TENM2: variants seen among roughly 807,000 people sequenced by gnomAD.
TENM2 encodes teneurin transmembrane protein 2, also known as teneurin-2.
Under a neutral mutation model 245.2 loss-of-function variants are expected in TENM2, and 52 were observed. The ratio of observed to expected loss-of-function variants is 0.21; its 90% CI spans 0.17 to 0.27. The LOEUF (loss-of-function observed/expected upper bound fraction) is 0.27. Among genes scored for constraint, TENM2 ranks in the 10% least tolerant of loss-of-function variants. TENM2 has a pLI of 1.00. For missense variants in TENM2, 3,046 were observed against 3,666.8 expected (o/e 0.83, Z 4.37); for synonymous variants, 1,363 against 1,438.9 (o/e 0.95, Z 1.19).
intron 2 of TENM2, among the ~76,000 whole-genome samples, chr5:167,444,298 T>TACAC (rs140953889): frequency 0.068 from 10,203 of 150,436 alleles, 640 homozygotes; most frequent in African/African-American, 0.16. Context: ...CACATACACA[T>TACAC]ACACACACAC....
At chr5:167,077,183 A>G in the TENM2 span, among the ~76,000 whole-genome samples, 1 of 152,174 alleles carries the variant, frequency 6.6e-6, no homozygotes, top group African/African-American at 2.4e-5. Context: ...TATTTCACAA[A>G]ATATTTTGTT....
At chr5:167,350,765 T>TATATACATACGG (rs1758824758) in intron 1 of TENM2, among the ~76,000 whole-genome samples, 3 of 132,390 alleles carry the variant, frequency 2.3e-5, no homozygotes, top group Non-Finnish European at 3.2e-5. Context: ...TACATATGGA[T>TATATACATACGG]ATATATATAT....
rs558235106 is a variant in TENM2 at position 168,006,462 on chromosome 5, A to G, written c.1186+13280A>G. On this transcript the variant is annotated intron_variant, in intron 5 of 28. Coordinates refer to ENST00000518659, the Ensembl canonical transcript of TENM2. ...TAATGCCTTCGAATGCACATTGAGA[A>G]TAACACTGCCATGCTTTCACCATAG... is the stretch of plus-strand genomic sequence containing the variant. Among the ~76,000 whole-genome samples the G allele has an allele frequency of 2.3e-4, 35 of 152,220 alleles. 1 individual carries two copies. Among genetic ancestry groups the G allele is most frequent in the Non-Finnish European group, 1.5e-4 (10 of 68,046 alleles).
intron 3 of TENM2, among the ~76,000 whole-genome samples, chr5:167,885,920 T>C (rs1263277396): frequency 1.3e-5 from 2 of 152,164 alleles, no homozygotes; most frequent in Non-Finnish European, 2.9e-5. Flanking sequence ...TGACCTCAGG[T>C]GATCCACTCG....
chr5:167,683,796 C>T lies in TENM2; in HGVS notation c.503-192190C>T, dbSNP rs184758210. On this transcript the variant is annotated intron_variant, in intron 2 of 28. Coordinates refer to ENST00000518659, the Ensembl canonical transcript of TENM2. ...TAATAATGCTAATTTTAATAACAAT[C>T]GATCTATGAATGGCCTGCCAGCTTC... Among the ~76,000 whole-genome samples, 252 of 152,250 alleles carry T rather than the reference C, an allele frequency of 1.7e-3. 2 individuals carry two copies. Among genetic ancestry groups the T allele is most frequent in the Non-Finnish European group, 7.8e-4 (53 of 68,022 alleles).
At chr5:167,044,022 T>G in the TENM2 span, among the ~76,000 whole-genome samples, 1 of 111,628 alleles carries the variant, frequency 9.0e-6, no homozygotes, top group Admixed American at 8.9e-5. Flanking sequence ...GCATCTCAAA[T>G]AAATAGTAAG....
the TENM2 span, among the ~76,000 whole-genome samples, chr5:167,054,305 G>A: frequency 2.0e-5 from 3 of 152,202 alleles, no homozygotes; most frequent in Middle Eastern, 3.4e-3. Context: ...TGTTAAAGAT[G>A]GGTTTCTTTC....
At chr5:167,555,429 T>G (rs1773206046) in intron 2 of TENM2, among the ~76,000 whole-genome samples, 1 of 152,160 alleles carries the variant, frequency 6.6e-6, no homozygotes, top group Non-Finnish European at 1.5e-5. Context: ...TAACTCAAAC[T>G]TGGTTGGATA....
intron 2 of TENM2, among the ~76,000 whole-genome samples, chr5:167,479,169 C>G (rs572469578): frequency 3.4e-4 from 51 of 152,232 alleles, no homozygotes; most frequent in African/African-American, 1.2e-3. Context: ...GGACCAAACC[C>G]AGATTTATCT....
At chr5:167,960,506 C>A (rs755349180) in intron 4 of TENM2, among the ~76,000 whole-genome samples, 32 of 152,228 alleles carry the variant, frequency 2.1e-4, no homozygotes, top group Non-Finnish European at 4.3e-4. Flanking sequence ...GAGGGGAAAA[C>A]TACTTACTCA....
the TENM2 span, among the ~76,000 whole-genome samples, chr5:167,259,953 A>C: frequency 6.6e-6 from 1 of 152,204 alleles, no homozygotes; most frequent in Non-Finnish European, 1.5e-5. Flanking sequence ...TTAGCCTTTT[A>C]TGTCTTGAAT....
chr5:167,446,176 G>A (rs921130679), intron 2 of TENM2, among the ~76,000 whole-genome samples: 1 of 152,148 alleles, frequency 6.6e-6, no homozygotes, highest in Non-Finnish European at 1.5e-5. Flanking sequence ...TTTATACACA[G>A]TTTGAATTTA....
chr5:167,746,141 C>T (rs1036210261), intron 2 of TENM2, among the ~76,000 whole-genome samples: 1 of 152,104 alleles, frequency 6.6e-6, no homozygotes, highest in Non-Finnish European at 1.5e-5. Flanking sequence ...TTTCCAGAGC[C>T]AAAATTCAAC....
chr5:167,300,027 G>A (rs1755215808), intron 1 of TENM2, among the ~76,000 whole-genome samples: 1 of 152,190 alleles, frequency 6.6e-6, no homozygotes, highest in Non-Finnish European at 1.5e-5. Flanking sequence ...AGACATGAGG[G>A]CTAGGCTAAA....
At chr5:167,823,451 CT>C (rs1185045947) in intron 2 of TENM2, among the ~76,000 whole-genome samples, 1 of 152,208 alleles carries the variant, frequency 6.6e-6, no homozygotes, top group Non-Finnish European at 1.5e-5. Flanking sequence ...CCTCACCCCC[CT>C]GCCACCAAAT....
At chr5:168,199,978 C>G in exon 17 of TENM2, 1 of 1,613,976 alleles carries the variant, frequency 6.2e-7, no homozygotes, top group Non-Finnish European at 8.5e-7. Flanking sequence ...GTCCACAGTG[C>G]CCCTGAACCT....
intron 2 of TENM2, among the ~76,000 whole-genome samples, chr5:167,813,867 T>C (rs1258992185): frequency 6.6e-6 from 1 of 152,158 alleles, no homozygotes; most frequent in Non-Finnish European, 1.5e-5. Flanking sequence ...TCCTACATAT[T>C]ACAATGCAGG....
intron 10 of TENM2, among the ~76,000 whole-genome samples, chr5:168,123,562 C>G (rs970190900): frequency 6.6e-6 from 1 of 152,216 alleles, no homozygotes; most frequent in Non-Finnish European, 1.5e-5. Context: ...TTTAATAACA[C>G]TGTCAGCGTG....
At chr5:168,085,113 C>G (rs1792331706) in intron 7 of TENM2, among the ~76,000 whole-genome samples, 1 of 152,258 alleles carries the variant, frequency 6.6e-6, no homozygotes, top group Non-Finnish European at 1.5e-5. Context: ...CTAGAAACCA[C>G]TGTTCTCTTC....
Sources: allele counts gnomAD v4.1 joint callset (sites outside exome capture counted in the v4.1 genomes callset), GRCh38; gene constraint gnomAD v4.1.1; transcripts MANE v1.5; gene names NCBI Gene and HGNC (gene_info 2026-07-23, HGNC 2026-07-21).